OSBP2: variants seen among roughly 807,000 people sequenced by gnomAD.
OSBP2 encodes oxysterol binding protein 2.
OSBP2 carries 66 observed loss-of-function variants against 96.0 expected under a neutral mutation model. The observed-to-expected ratio is 0.69, with a 90% CI of 0.56 to 0.84. The LOEUF (loss-of-function observed/expected upper bound fraction) is 0.84. Among genes scored for constraint, OSBP2 ranks in the 40% least tolerant of loss-of-function variants. The probability of loss-of-function intolerance (pLI) is 0.00; values close to 1 mark genes in which losing one functional copy is unlikely to be tolerated. For missense variants in OSBP2, 1,038 were observed against 1,222.7 expected (o/e 0.85, Z 2.25); for synonymous variants, 525 against 520.9 (o/e 1.01, Z -0.11).
chr22:30,856,785 A>T (rs542231972), intron 2 of OSBP2, among the ~76,000 whole-genome samples: 6 of 152,028 alleles, frequency 3.9e-5, no homozygotes, highest in African/African-American at 7.2e-5. Flanking sequence ...TTTAGAAAAA[A>T]AAAAAAAATT....
chr22:30,718,222 T>C (rs907646214), intron 1 of OSBP2, among the ~76,000 whole-genome samples: 4 of 152,088 alleles, frequency 2.6e-5, no homozygotes, highest in Non-Finnish European at 5.9e-5. Context: ...CATTCCCCAT[T>C]TTAGAGGATC....
At chr22:30,860,565 T>C (rs2039190396) in intron 2 of OSBP2, among the ~76,000 whole-genome samples, 1 of 152,078 alleles carries the variant, frequency 6.6e-6, no homozygotes, top group Non-Finnish European at 1.5e-5. Context: ...TGGCATGGGG[T>C]CTGTCCTTCA....
intron 2 of OSBP2, among the ~76,000 whole-genome samples, chr22:30,853,091 G>A (rs546348396): frequency 1.6e-4 from 25 of 152,264 alleles, no homozygotes; most frequent in African/African-American, 2.4e-4. Context: ...TTCTGCCATC[G>A]TAGGATGTAG....
At chr22:30,739,291 T>C (rs1368434027) in intron 1 of OSBP2, among the ~76,000 whole-genome samples, 31 of 152,230 alleles carry the variant, frequency 2.0e-4, no homozygotes, top group Admixed American at 2.0e-3. Flanking sequence ...CTAATCCATG[T>C]AGAGCCAGAG....
rs2039888559 is a variant in OSBP2, at chr22:30,889,246, G to A, written c.1476+12G>A. 6.2e-7 allele frequency: 1 copy of A among 1,611,982 alleles called. No individual in the cohort carries two copies. Among genetic ancestry groups the A allele is most frequent in the African/African-American group, 1.3e-5 (1 of 74,856 alleles). ...GCTCAGCAGACAATGTAAGTGAGGG[G>A]GAGCACTGTAAGGGCCAGAAGGCAG... is the stretch of plus-strand genomic sequence containing the variant. On this transcript the variant is annotated intron_variant, in intron 6 of 13. Transcript: ENST00000332585.
intron 2 of OSBP2, among the ~76,000 whole-genome samples, chr22:30,782,223 C>G (rs541483686): frequency 6.8e-4 from 103 of 152,320 alleles, no homozygotes; most frequent in African/African-American, 2.3e-3. Flanking sequence ...TTTATGCACC[C>G]ATGAAACCAT....
At chr22:30,786,332 G>A (rs1398150852) in intron 2 of OSBP2, among the ~76,000 whole-genome samples, 1 of 152,018 alleles carries the variant, frequency 6.6e-6, no homozygotes, top group African/African-American at 2.4e-5. Context: ...CTCAGTTAGT[G>A]TATTTTAAGT....
At chr22:30,777,488 G>T (rs1341287510) in intron 2 of OSBP2, among the ~76,000 whole-genome samples, 1 of 152,180 alleles carries the variant, frequency 6.6e-6, no homozygotes, top group Non-Finnish European at 1.5e-5. Context: ...CCCCAGCCAC[G>T]TGGAGCTGTA....
At chr22:30,763,637 G>GAAA (rs136338) in intron 2 of OSBP2, among the ~76,000 whole-genome samples, 8 of 130,956 alleles carry the variant, frequency 6.1e-5, no homozygotes, top group Admixed American at 1.6e-4. Context: ...CAGAGTGACA[G>GAAA]AAAAAAAAAA....
At position 30,888,317 on chromosome 22, in the gene OSBP2, G is replaced by T; in HGVS notation, c.1395G>T (p.Val465=). 1 of 1,612,694 alleles carries T rather than the reference G, an allele frequency of 6.2e-7. No homozygotes were observed. The highest frequency in any genetic ancestry group is 8.5e-7 in the Non-Finnish European group (1 of 1,178,792). ...AMEDSTSFIT[V]ITEAKEDSRK... ...AAGACTCCACATCCTTCATCACCGT[G>T]ATCACCGAGGCCAAGGAAGACAGGT... Residue 465 remains valine (V), a synonymous_variant, in exon 5 of 14, where the codon GTG becomes GTT. Transcript: ENST00000332585.
chr22:30,859,241 G>A (rs2039155384), intron 2 of OSBP2, among the ~76,000 whole-genome samples: 1 of 152,186 alleles, frequency 6.6e-6, no homozygotes, highest in Non-Finnish European at 1.5e-5. Context: ...GTAGTTTCCA[G>A]TGACCTGCTC....
intron 2 of OSBP2, among the ~76,000 whole-genome samples, chr22:30,806,486 G>A (rs2090929638): frequency 6.6e-6 from 1 of 152,192 alleles, no homozygotes; most frequent in Non-Finnish European, 1.5e-5. Flanking sequence ...AGCTGGGGCA[G>A]CAGCCGCAGC....
intron 2 of OSBP2, among the ~76,000 whole-genome samples, chr22:30,749,978 G>A (rs956436950): frequency 2.6e-5 from 4 of 152,176 alleles, no homozygotes; most frequent in South Asian, 2.1e-4. Context: ...GCTTGGTCAA[G>A]AACAGAGCAC....
chr22:30,877,206 A>G (rs895014863), intron 3 of OSBP2, among the ~76,000 whole-genome samples: 6 of 152,136 alleles, frequency 3.9e-5, no homozygotes, highest in East Asian at 3.9e-4. Flanking sequence ...GAGCAAATGA[A>G]TGAATCGCTT....
At chr22:30,857,575 G>A (rs1020938541) in intron 2 of OSBP2, among the ~76,000 whole-genome samples, 3 of 152,140 alleles carry the variant, frequency 2.0e-5, no homozygotes, top group Non-Finnish European at 1.5e-5. Flanking sequence ...TTTCTACCTC[G>A]AACATGGGTC....
At chr22:30,802,444 A>C (rs983714636) in intron 2 of OSBP2, among the ~76,000 whole-genome samples, 1 of 152,206 alleles carries the variant, frequency 6.6e-6, no homozygotes, top group Admixed American at 6.5e-5. Context: ...GACTGGAGAA[A>C]TGAGGGCTGG....
At chr22:30,885,834 T>G (rs922889336) in intron 3 of OSBP2, among the ~76,000 whole-genome samples, 3 of 152,242 alleles carry the variant, frequency 2.0e-5, no homozygotes, top group African/African-American at 7.2e-5. Context: ...TGCAGACCCG[T>G]GGCACCCAGG....
intron 3 of OSBP2, among the ~76,000 whole-genome samples, chr22:30,875,718 C>A (rs776629111): frequency 1.1e-4 from 17 of 152,170 alleles, no homozygotes; most frequent in Non-Finnish European, 2.2e-4. Context: ...ACTTTGTGGG[C>A]CTTGGAAGGA....
At chr22:30,828,050 G>A (rs933727377) in intron 2 of OSBP2, among the ~76,000 whole-genome samples, 2 of 152,182 alleles carry the variant, frequency 1.3e-5, no homozygotes, top group Non-Finnish European at 2.9e-5. Flanking sequence ...GGCCTGGCCT[G>A]AGTGAAGGCC....
Sources: allele counts gnomAD v4.1 joint callset (sites outside exome capture counted in the v4.1 genomes callset), GRCh38; gene constraint gnomAD v4.1.1; transcripts MANE v1.5; gene names NCBI Gene and HGNC (gene_info 2026-07-23, HGNC 2026-07-21).